The following ENTREP2 variants were observed in gnomAD, a reference collection of about 807,000 sequenced individuals.
The protein encoded by ENTREP2 is endosomal transmembrane epsin interactor 2.
At chr15:29,640,225 A>G in the ENTREP2 span, among the ~76,000 whole-genome samples, 1 of 152,262 alleles carries the variant, frequency 6.6e-6, no homozygotes, top group Non-Finnish European at 1.5e-5. Context: ...AGGAAATACT[A>G]TGGACATCTG....
chr15:29,318,733 C>T, the ENTREP2 span, among the ~76,000 whole-genome samples: 1 of 152,192 alleles, frequency 6.6e-6, no homozygotes, highest in African/African-American at 2.4e-5. Flanking sequence ...ATGTGTGTGA[C>T]TTGCTTTATT....
At chr15:29,519,133 C>A in the ENTREP2 span, among the ~76,000 whole-genome samples, 1 of 150,884 alleles carries the variant, frequency 6.6e-6, no homozygotes, top group Non-Finnish European at 1.5e-5. Context: ...AAATAATATA[C>A]ACCTCTTTCT....
At chr15:29,336,602 C>T in the ENTREP2 span, among the ~76,000 whole-genome samples, 6 of 151,262 alleles carry the variant, frequency 4.0e-5, no homozygotes, top group African/African-American at 7.3e-5. Context: ...TGAGCCACCG[C>T]GCCCAGCCTT....
the ENTREP2 span, among the ~76,000 whole-genome samples, chr15:29,648,456 T>C: frequency 2.0e-5 from 3 of 152,152 alleles, no homozygotes; most frequent in Admixed American, 6.5e-5. Context: ...CATGTGTCAG[T>C]GTTATCATCT....
the ENTREP2 span, among the ~76,000 whole-genome samples, chr15:29,232,363 C>T: frequency 1.3e-5 from 2 of 152,076 alleles, no homozygotes; most frequent in African/African-American, 2.4e-5. Context: ...AGTCATCTAA[C>T]ATGTAAACTT....
the ENTREP2 span, among the ~76,000 whole-genome samples, chr15:29,501,164 A>G: frequency 1.3e-5 from 2 of 152,116 alleles, no homozygotes; most frequent in African/African-American, 4.8e-5. Flanking sequence ...AAACTCTTAC[A>G]AAGAGTAGAA....
chr15:29,198,033 C>T, the ENTREP2 span, among the ~76,000 whole-genome samples: 1 of 152,156 alleles, frequency 6.6e-6, no homozygotes, highest in Non-Finnish European at 1.5e-5. Flanking sequence ...CTCCTAAATA[C>T]TGGGGGAGGG....
At chr15:29,451,648 CT>C in the ENTREP2 span, among the ~76,000 whole-genome samples, 1 of 152,174 alleles carries the variant, frequency 6.6e-6, no homozygotes. Context: ...ACGGGAGGGT[CT>C]TCACTATCAG....
the ENTREP2 span, among the ~76,000 whole-genome samples, chr15:29,133,025 G>A: frequency 6.6e-6 from 1 of 152,114 alleles, no homozygotes; most frequent in Admixed American, 6.5e-5. Flanking sequence ...CCGCCTTCAG[G>A]GGTTTCCGGG....
chr15:29,282,761 T>C, the ENTREP2 span, among the ~76,000 whole-genome samples: 3 of 152,338 alleles, frequency 2.0e-5, no homozygotes, highest in South Asian at 4.1e-4. Flanking sequence ...TGTAGAGGGC[T>C]TCAGGCATAC....
chr15:29,502,128 A>G, the ENTREP2 span, among the ~76,000 whole-genome samples: 2 of 151,964 alleles, frequency 1.3e-5, no homozygotes, highest in African/African-American at 4.8e-5. Context: ...AACTAATCCT[A>G]CAATTCATAT....
the ENTREP2 span, among the ~76,000 whole-genome samples, chr15:29,165,236 C>A: frequency 6.6e-6 from 1 of 152,034 alleles, no homozygotes; most frequent in African/African-American, 2.4e-5. Flanking sequence ...AGGGCACACA[C>A]TGACATTCTA....
chr15:29,341,239 C>T, the ENTREP2 span, among the ~76,000 whole-genome samples: 3 of 152,358 alleles, frequency 2.0e-5, no homozygotes, highest in South Asian at 6.2e-4. Context: ...ACTCACTCTG[C>T]CTCATTCATT....
At chr15:29,634,385 G>C in the ENTREP2 span, among the ~76,000 whole-genome samples, 1,272 of 152,192 alleles carry the variant, frequency 8.4e-3, 17 homozygotes, top group African/African-American at 0.029. Flanking sequence ...CTTGCAGTAG[G>C]CTCCGCCCAC....
the ENTREP2 span, among the ~76,000 whole-genome samples, chr15:29,645,095 TAA>T: frequency 2.0e-5 from 3 of 151,982 alleles, no homozygotes; most frequent in African/African-American, 7.2e-5. Context: ...ACCACAAACT[TAA>T]GAGGAACACC....
At chr15:29,555,782 T>C in the ENTREP2 span, among the ~76,000 whole-genome samples, 54,348 of 152,086 alleles carry the variant, frequency 0.36, 9,666 homozygotes, top group East Asian at 0.41. Flanking sequence ...CCTCTTTCCT[T>C]TTTACAGAGC....
the ENTREP2 span, among the ~76,000 whole-genome samples, chr15:29,225,087 C>T: frequency 3.1e-4 from 47 of 152,216 alleles, no homozygotes; most frequent in Non-Finnish European, 5.4e-4. Context: ...CACGCTGGCC[C>T]GCAAGCACCA....
chr15:29,533,989 G>A, the ENTREP2 span, among the ~76,000 whole-genome samples: 1 of 151,506 alleles, frequency 6.6e-6, no homozygotes, highest in Non-Finnish European at 1.5e-5. Flanking sequence ...GTATGGAGAC[G>A]CATTAGGTGG....
At chr15:29,655,653 G>A in the ENTREP2 span, among the ~76,000 whole-genome samples, 2 of 152,220 alleles carry the variant, frequency 1.3e-5, no homozygotes, top group Non-Finnish European at 2.9e-5. Context: ...CAACATACAT[G>A]AGCCAATCAT....
Sources: allele counts gnomAD v4.1 joint callset (sites outside exome capture counted in the v4.1 genomes callset), GRCh38; gene constraint gnomAD v4.1.1; transcripts MANE v1.5; gene names NCBI Gene and HGNC (gene_info 2026-07-23, HGNC 2026-07-21).